CNTNAP5: variants seen among roughly 807,000 people sequenced by gnomAD.
CNTNAP5 encodes contactin-associated protein-like 5.
CNTNAP5 carries 72 observed loss-of-function variants against 150.2 expected under a neutral mutation model. The ratio of observed to expected loss-of-function variants is 0.48; its 90% CI spans 0.40 to 0.58. The LOEUF is 0.58. Among genes scored for constraint, CNTNAP5 ranks in the 20% least tolerant of loss-of-function variants. The probability of loss-of-function intolerance (pLI) is 0.00; values close to 1 mark genes in which losing one functional copy is unlikely to be tolerated. For missense variants in CNTNAP5, 1,636 were observed against 1,626.2 expected (o/e 1.01, Z -0.10); for synonymous variants, 672 against 619.8 (o/e 1.08, Z -1.25).
At chr2:124,560,936 G>T (rs34458242) in intron 10 of CNTNAP5, among the ~76,000 whole-genome samples, 19,254 of 151,640 alleles carry the variant, frequency 0.13, 1,477 homozygotes, top group East Asian at 0.24. Context: ...ACCAAAAAAA[G>T]TCAACCCTGA....
chr2:124,429,554 G>A (rs1692320032), intron 4 of CNTNAP5, among the ~76,000 whole-genome samples: 1 of 152,190 alleles, frequency 6.6e-6, no homozygotes, highest in Admixed American at 6.5e-5. Context: ...GCTGGAGCCT[G>A]TTGTGTGCAA....
chr2:124,417,639 G>A (rs900907746), intron 4 of CNTNAP5, 49 bp downstream of exon 4: 10 of 1,541,022 alleles, frequency 6.5e-6, no homozygotes, highest in African/African-American at 1.4e-5. Context: ...GAGTGGCACC[G>A]CCTACGTAAC....
intron 3 of CNTNAP5, among the ~76,000 whole-genome samples, chr2:124,269,727 C>T (rs777173495): frequency 6.6e-6 from 1 of 152,116 alleles, no homozygotes; most frequent in Non-Finnish European, 1.5e-5. Flanking sequence ...GGATCTCCAT[C>T]CATTCAAGTC....
At chr2:124,143,968 A>T (rs1352653111) in intron 1 of CNTNAP5, among the ~76,000 whole-genome samples, 11 of 151,398 alleles carry the variant, frequency 7.3e-5, no homozygotes, top group Middle Eastern at 3.4e-3. Context: ...ATCAATGTAC[A>T]AAAATCACAA....
chr2:124,886,212 A>G (rs180902511), intron 21 of CNTNAP5, among the ~76,000 whole-genome samples: 1 of 152,170 alleles, frequency 6.6e-6, no homozygotes, highest in African/African-American at 2.4e-5. Flanking sequence ...TCAATTCTCA[A>G]ATATAAGTTA....
At chr2:124,303,792 G>A (rs576656172) in intron 3 of CNTNAP5, among the ~76,000 whole-genome samples, 1 of 152,204 alleles carries the variant, frequency 6.6e-6, no homozygotes, top group Admixed American at 6.5e-5. Flanking sequence ...CTGCATTTTG[G>A]GAGGCCACAG....
At chr2:124,665,420 T>C (rs1038157642) in intron 13 of CNTNAP5, among the ~76,000 whole-genome samples, 1 of 152,228 alleles carries the variant, frequency 6.6e-6, no homozygotes, top group Non-Finnish European at 1.5e-5. Context: ...ATAGTTTCAG[T>C]GTTAGTTCAA....
At chr2:124,415,118 T>A (rs1260417662) in intron 3 of CNTNAP5, among the ~76,000 whole-genome samples, 1 of 152,188 alleles carries the variant, frequency 6.6e-6, no homozygotes, top group Non-Finnish European at 1.5e-5. Context: ...TTCATACCTG[T>A]GCCAGATGCT....
intron 12 of CNTNAP5, among the ~76,000 whole-genome samples, chr2:124,619,380 C>T (rs1490522261): frequency 5.3e-5 from 8 of 152,104 alleles, no homozygotes; most frequent in Non-Finnish European, 1.2e-4. Flanking sequence ...GTCACAGTAA[C>T]TAATTGAAAT....
At chr2:124,614,763 A>T (rs1473600464) in intron 12 of CNTNAP5, among the ~76,000 whole-genome samples, 1 of 152,108 alleles carries the variant, frequency 6.6e-6, no homozygotes, top group South Asian at 2.1e-4. Context: ...TTTTATCAGC[A>T]AGGTCTTTGT....
intron 19 of CNTNAP5, among the ~76,000 whole-genome samples, chr2:124,842,932 G>A (rs979019506): frequency 6.6e-6 from 1 of 151,832 alleles, no homozygotes; most frequent in African/African-American, 2.4e-5. Context: ...GTAGGTTTTG[G>A]GGGAACAGGT....
At chr2:124,381,190 G>C (rs1315673765) in intron 3 of CNTNAP5, among the ~76,000 whole-genome samples, 10 of 152,174 alleles carry the variant, frequency 6.6e-5, no homozygotes, top group Non-Finnish European at 1.2e-4. Flanking sequence ...ATGGCAAAGA[G>C]AATAGTGGAG....
At chr2:124,646,536 T>G (rs113895112) in intron 12 of CNTNAP5, among the ~76,000 whole-genome samples, 4,017 of 152,334 alleles carry the variant, frequency 0.026, 115 homozygotes, top group Non-Finnish European at 0.039. Flanking sequence ...GATGTAATTA[T>G]GCGGGCAAGA....
intron 6 of CNTNAP5, among the ~76,000 whole-genome samples, chr2:124,453,914 A>AT (rs1359578664): frequency 6.6e-6 from 1 of 152,134 alleles, no homozygotes; most frequent in Admixed American, 6.5e-5. Flanking sequence ...CTGGAAACAC[A>AT]TAAAAAAAAA....
intron 3 of CNTNAP5, among the ~76,000 whole-genome samples, chr2:124,307,333 C>T (rs1048621471): frequency 6.6e-6 from 1 of 152,140 alleles, no homozygotes; most frequent in African/African-American, 2.4e-5. Flanking sequence ...ATGACCTAAT[C>T]TGATCCTAAT....
chr2:124,542,909 T>C (rs531107560), intron 10 of CNTNAP5, among the ~76,000 whole-genome samples: 1 of 152,318 alleles, frequency 6.6e-6, no homozygotes, highest in Admixed American at 6.5e-5. Context: ...ACACGACTCT[T>C]GGTTTTGGGC....
chr2:124,725,440 C>T (rs960596010), intron 13 of CNTNAP5, among the ~76,000 whole-genome samples: 2 of 150,464 alleles, frequency 1.3e-5, no homozygotes, highest in Admixed American at 6.7e-5. Flanking sequence ...CCCTTTACTC[C>T]CCTTCCCCTT....
chr2:124,799,640 T>A (rs550596387), intron 19 of CNTNAP5, among the ~76,000 whole-genome samples: 1 of 152,246 alleles, frequency 6.6e-6, no homozygotes, highest in East Asian at 1.9e-4. Flanking sequence ...GAGGAAACTC[T>A]AAATTATTAT....
At chr2:124,812,745 C>T (rs971157940) in intron 19 of CNTNAP5, among the ~76,000 whole-genome samples, 2 of 152,028 alleles carry the variant, frequency 1.3e-5, no homozygotes, top group African/African-American at 4.8e-5. Context: ...CTTTCTGGAC[C>T]AAACCAATGG....
Sources: allele counts gnomAD v4.1 joint callset (sites outside exome capture counted in the v4.1 genomes callset), GRCh38; gene constraint gnomAD v4.1.1; transcripts MANE v1.5; gene names NCBI Gene and HGNC (gene_info 2026-07-23, HGNC 2026-07-21).